The following LYST variants were observed in gnomAD, a reference collection of about 807,000 sequenced individuals.
LYST encodes lysosomal-trafficking regulator.
Under a neutral mutation model 413.6 loss-of-function variants are expected in LYST, and 192 were observed. The ratio of observed to expected loss-of-function variants is 0.46; its 90% CI spans 0.41 to 0.52. The LOEUF (loss-of-function observed/expected upper bound fraction) is 0.52. Among genes scored for constraint, LYST ranks in the 20% least tolerant of loss-of-function variants. LYST has a pLI of 0.00. For synonymous variants in LYST, 1,525 were observed against 1,567.3 expected, an observed-to-expected ratio of 0.97 and a Z score of 0.64; for missense variants, 3,815 against 4,499.9, an observed-to-expected ratio of 0.85 and a Z score of 4.35.
intron 1 of LYST, among the ~76,000 whole-genome samples, chr1:235,880,635 T>C (rs189653302): frequency 6.6e-6 from 1 of 152,334 alleles, no homozygotes; most frequent in Non-Finnish European, 1.5e-5. Flanking sequence ...GTATTTTTTC[T>C]ATTCTTGGTT....
rs541504627 is a variant in LYST at position 235,798,343 on chromosome 1, C to T, written c.4006+1977G>A. On this transcript the variant is annotated intron_variant, in intron 10 of 52. Coordinates refer to ENST00000389793, the MANE Select transcript of LYST (RefSeq NM_000081.4). ...CAATATAAGTTCATTAATTATAATA[C>T]ATATATCATAAAAAATTAGATGTTA... is the stretch of plus-strand genomic sequence containing the variant. Among the ~76,000 whole-genome samples, 227 of 151,676 alleles carry T rather than the reference C, an allele frequency of 1.5e-3. 2 individuals are homozygous for T. The highest frequency in any genetic ancestry group is 5.2e-3 in the African/African-American group (217 of 41,412).
intron 13 of LYST, among the ~76,000 whole-genome samples, chr1:235,787,709 C>A (rs1350354864): frequency 6.6e-6 from 1 of 151,890 alleles, no homozygotes; most frequent in East Asian, 1.9e-4. Flanking sequence ...TTATTTGGTT[C>A]ATAGAAAAAT....
Position 235,759,195 on chromosome 1 carries a change from C to T in LYST, c.6658G>A (p.Asp2220Asn), listed in dbSNP as rs1667335081. 4 of 1,614,108 alleles carry T rather than the reference C, an allele frequency of 2.5e-6. No individual in the cohort carries two copies. Among genetic ancestry groups the T allele is most frequent in the Non-Finnish European group, 2.5e-6 (3 of 1,180,004 alleles). Residue 2220 changes from aspartate to asparagine, a missense_variant, in exon 23 of 53, where the codon GAT becomes AAT. Coordinates refer to ENST00000389793, the MANE Select transcript of LYST (RefSeq NM_000081.4). ...TCAGGTCGGCGTGGGCAGGACTCATCCCCAGGACTGTCATCTTCTGACCTG... is the reference window on the plus strand; with the variant it reads ...TCAGGTCGGCGTGGGCAGGACTCATTCCCAGGACTGTCATCTTCTGACCTG... ...EPRSEDDSPG[D>N]ESCPRRPDYL...
intron 31 of LYST, chr1:235,738,431 C>T (rs1665012976): frequency 1.9e-6 from 3 of 1,613,036 alleles, no homozygotes; most frequent in African/African-American, 2.7e-5. Flanking sequence ...TATCTTTGAC[C>T]TATAGTGGCT....
At chr1:235,770,870 T>C (rs187236230) in intron 19 of LYST, among the ~76,000 whole-genome samples, 41 of 152,272 alleles carry the variant, frequency 2.7e-4, no homozygotes, top group African/African-American at 9.4e-4. Flanking sequence ...TGCCTTAAAA[T>C]GCTTCTCCCA....
At chr1:235,877,882 A>G (rs1298479471) in intron 1 of LYST, among the ~76,000 whole-genome samples, 2 of 151,982 alleles carry the variant, frequency 1.3e-5, no homozygotes, top group African/African-American at 2.4e-5. Context: ...AAAATCTAAA[A>G]CACACATTGA....
intron 1 of LYST, among the ~76,000 whole-genome samples, chr1:235,862,424 A>G (rs1679981721): frequency 1.3e-5 from 2 of 152,216 alleles, no homozygotes; most frequent in African/African-American, 4.8e-5. Context: ...TAGCATGATG[A>G]AATCTCATCC....
intron 14 of LYST, among the ~76,000 whole-genome samples, chr1:235,783,655 T>C (rs999822067): frequency 6.6e-6 from 1 of 152,044 alleles, no homozygotes; most frequent in Non-Finnish European, 1.5e-5. Flanking sequence ...AATAAAAATA[T>C]AACAATGAAA....
rs1433732421 is a variant in LYST at position 235,876,481 on chromosome 1, T to C, written n.454+6706A>G. 2.0e-5 allele frequency among the ~76,000 whole-genome samples: 3 copies of C among 152,218 alleles called. No individual in the cohort carries two copies. In the East Asian group the frequency reaches 5.8e-4, roughly 29 times the overall value. On this transcript the variant is annotated intron_variant and non_coding_transcript_variant, in intron 1 of 11. Transcript: ENST00000465349. ...GTAGTTGCTCAATTAATTTTTTGGATAAACGAGGAAGCTGATGACACAGAA... is the reference window on the plus strand; with the variant it reads ...GTAGTTGCTCAATTAATTTTTTGGACAAACGAGGAAGCTGATGACACAGAA...
At chr1:235,752,226 A>C (rs1433520614) in intron 26 of LYST, 55 bp from the exon 27 acceptor site, 4 of 1,306,124 alleles carry the variant, frequency 3.1e-6, no homozygotes, top group Non-Finnish European at 3.3e-6. Flanking sequence ...AAGAACAAAT[A>C]ATTTAAGACA....
chr1:235,762,948 A>G (rs1667739940), intron 21 of LYST, 97 bp from the exon 22 acceptor site: 4 of 922,128 alleles, frequency 4.3e-6, no homozygotes, highest in Non-Finnish European at 6.9e-6. Context: ...AATTTTGACA[A>G]AAAGATGTTT....
intron 1 of LYST, among the ~76,000 whole-genome samples, chr1:235,877,461 G>A (rs1190073815): frequency 7.9e-5 from 12 of 152,190 alleles, no homozygotes; most frequent in Non-Finnish European, 2.9e-5. Flanking sequence ...AGGCTGGAGT[G>A]CAATGACACG....
At position 235,792,031 on chromosome 1, in the gene LYST, T is replaced by C; in HGVS notation, c.4211A>G (p.Asn1404Ser). 3 of 1,614,060 alleles carry C rather than the reference T, an allele frequency of 1.9e-6. No individual in the cohort carries two copies. Among genetic ancestry groups the C allele is most frequent in the East Asian group, 2.2e-5 (1 of 44,862 alleles). The change falls in exon 12 of 53, where the codon AAT (asparagine) becomes AGT (serine). Residue 1404 changes from asparagine (N) to serine (S), a missense_variant. Physicochemically the swap from Asn to Ser is conservative, Grantham distance 46. Around this residue, in one of 4 missense-constraint regions of LYST, gnomAD observed 1,648 missense variants for 1,810.3 expected, o/e 0.91. Coordinates refer to ENST00000389793, the MANE Select transcript of LYST (RefSeq NM_000081.4). ...YLTFPLLHAP[N>S]LSNGVSSQKY... ...TTGTGATGAAACACCGTTGCTTAAA[T>C]TTGGAGCGTGCAGTAAAGGGAAGGT...
intron 2 of LYST, among the ~76,000 whole-genome samples, chr1:235,832,679 T>C (rs1370376864): frequency 1.3e-5 from 2 of 152,146 alleles, no homozygotes; most frequent in Non-Finnish European, 1.5e-5. Flanking sequence ...ATGTAGCCAA[T>C]CTCTTATTTT....
In LYST at chr1:235,662,543, T is replaced by C. The variant is rs1165437501; in HGVS notation, c.*397A>G. On this transcript the variant is annotated 3_prime_UTR_variant, in exon 53 of 53. Transcript: ENST00000389793. ...TTCATGGCAGTAAACTTTTAAAATATAATTTTAGTGTGTTTTATATAAACA... is the reference window on the plus strand; with the variant it reads ...TTCATGGCAGTAAACTTTTAAAATACAATTTTAGTGTGTTTTATATAAACA... The C allele has an allele frequency of 1.2e-5, 3 of 246,566 alleles. No homozygotes were observed. The highest frequency in any genetic ancestry group is 5.2e-5 in the Admixed American group (1 of 19,306). 15.3% of individuals were successfully genotyped at this position (246,566 alleles called of 1,614,324 possible).
intron 38 of LYST, among the ~76,000 whole-genome samples, chr1:235,727,124 C>CTTTTTTTT (rs763736405): frequency 4.4e-5 from 6 of 135,118 alleles, no homozygotes; most frequent in East Asian, 2.1e-4. Context: ...TTCTTTCTTT[C>CTTTTTTTT]TTTTTTTTTT....
chr1:235,864,536 G>A (rs1680268635), intron 1 of LYST, among the ~76,000 whole-genome samples: 1 of 152,034 alleles, frequency 6.6e-6, no homozygotes, highest in Admixed American at 6.6e-5. Flanking sequence ...CCTGGATTAG[G>A]GCAACAGTTC....
intron 3 of LYST, among the ~76,000 whole-genome samples, chr1:235,817,429 T>C (rs997380358): frequency 6.6e-6 from 1 of 152,148 alleles, no homozygotes; most frequent in Non-Finnish European, 1.5e-5. Flanking sequence ...TGTGCTTATG[T>C]TCACCACAGC....
chr1:235,755,418 G>GAA (rs1357649547), intron 25 of LYST, 60 bp downstream of exon 25: 1 of 1,409,076 alleles, frequency 7.1e-7, no homozygotes, highest in Non-Finnish European at 1.0e-6. Flanking sequence ...GAAAAGAAAA[G>GAA]AAAAGAAAAG....
Sources: gnomAD v4.1 joint callset for allele counts (sites outside exome capture counted in the v4.1 genomes callset) on GRCh38, gnomAD v4.1.1 for gene constraint, gnomAD v4.1.1 regional missense constraint, MANE v1.5 for transcripts, NCBI Gene and HGNC (gene_info 2026-07-23, HGNC 2026-07-21) for gene names.